Variants in SLC49A3 observed in about 807,000 individuals in gnomAD.
The protein encoded by SLC49A3 is solute carrier family 49 member 3, also known as solute carrier family 49 member A3.
Under a neutral mutation model 43.8 loss-of-function variants are expected in SLC49A3, and 50 were observed. The observed-to-expected ratio is 1.14, with a 90% CI of 0.91 to 1.45. The LOEUF (loss-of-function observed/expected upper bound fraction) is 1.45. Among genes scored for constraint, SLC49A3 ranks in the 40% most tolerant of loss-of-function variants. The pLI is 0.00. For missense variants in SLC49A3, 906 were observed against 774.1 expected (o/e 1.17, Z -2.02); for synonymous variants, 413 against 352.0 (o/e 1.17, Z -1.94).
At chr4:680,375 C>T (rs1434095003), downstream of SLC49A3, 2 of 953,408 alleles carry the variant, frequency 2.1e-6, no homozygotes, top group Non-Finnish European at 3.3e-6. Flanking sequence ...GGCCTTCAGG[C>T]AGAGGCCACC....
upstream of SLC49A3, chr4:689,377 C>G: frequency 3.3e-6 from 1 of 298,930 alleles, no homozygotes; most frequent in East Asian, 5.6e-5. Flanking sequence ...GGCTGGAAGT[C>G]CCTGCCACAA....
chr4:680,790 TG>T (rs1739391740), downstream of SLC49A3: 3 of 650,742 alleles, frequency 4.6e-6, no homozygotes, highest in Non-Finnish European at 5.2e-6. Flanking sequence ...CTGTGCCCGG[TG>T]GGGGTGGGGC....
chr4:681,930 C>T lies in SLC49A3; in HGVS notation c.*28G>A, dbSNP rs552967269. The T allele has an allele frequency of 1.8e-4, 237 of 1,325,934 alleles. No homozygotes were observed. Among genetic ancestry groups the T allele is most frequent in the Middle Eastern group, 6.1e-4 (3 of 4,926 alleles). 82.1% of individuals were successfully genotyped at this position (1,325,934 alleles called of 1,614,324 possible). A position where few individuals can be genotyped will look rare whatever the true frequency, so the allele number is the denominator to read the frequency against. ...TTCCAGTTCGCCTCCATCGATGTGG[C>T]GGGCAACCTGGACTACAAGGCGCTC... On this transcript the variant is annotated 3_prime_UTR_variant, in exon 10 of 10. Transcript: ENST00000322224.
rs768902202 is a variant in SLC49A3 at position 682,065 on chromosome 4, C to T, written c.1573G>A (p.Asp525Asn). Residue 525 changes from aspartate (D) to asparagine (N), a missense_variant, in exon 10 of 10, where the codon GAC (aspartate) becomes AAC (asparagine). Asp to Asn is a conservative substitution (Grantham distance 23). Transcript: ENST00000322224. ...AGTCTGCCGGGGCGGGAGGGCGCGT[C>T]GGTGGCTGCTGGGCCTTGCGCACGG... ...TPRAQGPAATDAPSRPGRLAG... is the reference protein window; with the variant it reads ...TPRAQGPAATNAPSRPGRLAG... 7 of 1,409,768 alleles carry T rather than the reference C, an allele frequency of 5.0e-6. No individual in the cohort carries two copies. The highest frequency in any genetic ancestry group is 3.9e-4 in the Middle Eastern group (2 of 5,120). The allele number at this position is 1,409,768 out of a possible 1,614,324, so 87.3% of individuals were successfully genotyped here. A position where few individuals can be genotyped will look rare whatever the true frequency, so the allele number is the denominator to read the frequency against.
In SLC49A3 at chr4:683,258, G is replaced by A. The variant is rs777105920; in HGVS notation, c.1103C>T (p.Ser368Phe). The change falls in exon 8 of 10, where the codon TCC becomes TTC. Residue 368 changes from serine (S) to phenylalanine (F), a missense_variant. Transcript: ENST00000322224. ...GGCAGCCCCCTCCCCCACGGGGAAG[G>A]AACACTCGACCGCCAACTCCATGGC... ...PVAMELAVEC[S>F]FPVGEGAATG... is the part of the protein sequence containing the mutation. 1.2e-6 allele frequency: 2 copies of A among 1,612,766 alleles called. No individual in the cohort carries two copies. The highest frequency in any genetic ancestry group is 1.3e-5 in the African/African-American group (1 of 75,012).
At position 684,552 on chromosome 4, in the gene SLC49A3, T is replaced by A; in HGVS notation, c.771A>T (p.Gly257=). Residue 257 remains glycine (G), a synonymous_variant, in exon 6 of 10, where the codon GGA becomes GGT. Transcript: ENST00000322224. The stretch of plus-strand genomic sequence containing the variant: ...AGAAGCTGGCAGAGATCCCGATCAT[T>A]CCCCCCAAGCACACAGCCAGGATGA... The part of the protein sequence containing the change: ...AYVILAVCLG[G]MIGISASFSA... 1.2e-6 allele frequency: 2 copies of A among 1,612,658 alleles called. No individual in the cohort carries two copies. The highest frequency in any genetic ancestry group is 1.7e-6 in the Non-Finnish European group (2 of 1,179,820).
chr4:677,874 TCTGCAG>T, downstream of SLC49A3: 1 of 1,339,336 alleles, frequency 7.5e-7, no homozygotes, highest in Non-Finnish European at 1.1e-6. Flanking sequence ...CAAAGCTCAC[TCTGCAG>T]CTGTCCAGTC....
At chr4:689,916 C>G (rs375140476), upstream of SLC49A3, among the ~76,000 whole-genome samples, 1 of 152,228 alleles carries the variant, frequency 6.6e-6, no homozygotes, top group African/African-American at 2.4e-5. Context: ...CCTGGGGGAA[C>G]CCAAGAGGCT....
chr4:678,736 G>A (rs889884076), downstream of SLC49A3: 1 of 1,611,810 alleles, frequency 6.2e-7, no homozygotes. Flanking sequence ...CTCCAACTTT[G>A]AGCAGACTCA....
In SLC49A3 at chr4:686,236, C is replaced by T. The variant is rs1283505532; in HGVS notation, c.361G>A (p.Gly121Arg). Residue 121 changes from glycine (G) to arginine (R), a missense_variant, in exon 3 of 10, where the codon GGG (glycine) becomes AGG (arginine). By Grantham distance (125) the Gly-to-Arg change is moderately radical. Transcript: ENST00000322224. ...VLRMVPCMVV[G>R]TQNPFAFLMG... ...AGGAAGGCAAATGGGTTTTGGGTCCCAACAACCATGCAGGGCACCATGCGT... is the reference window on the plus strand; with the variant it reads ...AGGAAGGCAAATGGGTTTTGGGTCCTAACAACCATGCAGGGCACCATGCGT... The T allele has an allele frequency of 1.2e-6, 2 of 1,613,586 alleles. No homozygotes were observed. Among genetic ancestry groups the T allele is most frequent in the South Asian group, 1.1e-5 (1 of 91,092 alleles).
chr4:689,165 G>A, upstream of SLC49A3: 1 of 1,278,828 alleles, frequency 7.8e-7, no homozygotes, highest in Non-Finnish European at 9.9e-7. Context: ...GGTCCCGCCG[G>A]CCGCCCGGGC....
intron 7 of SLC49A3, 72 bp downstream of exon 7, chr4:683,537 G>A (rs1036073307): frequency 3.1e-5 from 47 of 1,534,656 alleles, no homozygotes; most frequent in African/African-American, 1.4e-4. Flanking sequence ...CAGCCAAGCC[G>A]CCAACCGCCC....
upstream of SLC49A3, chr4:689,233 G>T: frequency 1.2e-6 from 1 of 805,220 alleles, no homozygotes; most frequent in Admixed American, 4.6e-5. Context: ...GGCCGGGCCG[G>T]GCCGGGCCAC....
chr4:680,782 G>C (rs1739390013), downstream of SLC49A3: 4 of 660,554 alleles, frequency 6.1e-6, no homozygotes, highest in South Asian at 7.7e-5. Context: ...ACCAGCGCCT[G>C]TGCCCGGTGG....
chr4:678,200 G>C, downstream of SLC49A3: 10 of 1,520,266 alleles, frequency 6.6e-6, no homozygotes, highest in Non-Finnish European at 8.0e-6. Flanking sequence ...ATGTGCGTGT[G>C]TGTGACCTTG....
chr4:677,596 G>A (rs943942488), downstream of SLC49A3, among the ~76,000 whole-genome samples: 4 of 152,190 alleles, frequency 2.6e-5, no homozygotes, highest in African/African-American at 7.2e-5. Context: ...GCAGAAGCCC[G>A]GTGACCAGCT....
At chr4:678,547 C>G (rs76067323), downstream of SLC49A3, 5 of 1,475,346 alleles carry the variant, frequency 3.4e-6, no homozygotes, top group Non-Finnish European at 4.5e-6. Flanking sequence ...CCCTCCAGCC[C>G]GAAGGGCTGA....
At chr4:677,843 T>G (rs1577328568), downstream of SLC49A3, 6 of 939,934 alleles carry the variant, frequency 6.4e-6, no homozygotes, top group East Asian at 5.1e-5. Flanking sequence ...AGGGCAAGGG[T>G]GTGAGTCACT....
In SLC49A3 at chr4:682,307, G is replaced by T; in HGVS notation, c.1331C>A (p.Pro444Gln). 7.4e-7 allele frequency: 1 copy of T among 1,355,756 alleles called. No homozygotes were observed. The allele number at this position is 1,355,756 out of a possible 1,614,324, so 84.0% of individuals were successfully genotyped here. The change falls in exon 10 of 10, where the codon CCA becomes CAA. Residue 444 changes from proline to glutamine, a missense_variant. Physicochemically the swap from Pro to Gln is moderately conservative, Grantham distance 76 (BLOSUM62 -1). Transcript: ENST00000322224. ...AGACTCGGCCTGCAGGCGCCGGTAT[G>T]GGGTGTGGAAGAAGACCGCCAGGAT... ...SCILAVFFHT[P>Q]YRRLQAESGE...
Sources: gnomAD v4.1 joint callset for allele counts (sites outside exome capture counted in the v4.1 genomes callset) on GRCh38, gnomAD v4.1.1 for gene constraint, MANE v1.5 for transcripts, NCBI Gene and HGNC (gene_info 2026-07-23, HGNC 2026-07-21) for gene names.